MAPKBP1: variants seen among roughly 807,000 people sequenced by gnomAD.
MAPKBP1 encodes mitogen-activated protein kinase binding protein 1.
A neutral mutation model predicts 170.5 loss-of-function variants in MAPKBP1; 71 were observed. The observed-to-expected ratio is 0.42, with a 90% CI of 0.34 to 0.51. The LOEUF (loss-of-function observed/expected upper bound fraction) is 0.51, where lower values mean the gene tolerates loss of function less well. Ranked by LOEUF, MAPKBP1 falls within the 20% of genes least tolerant of loss-of-function variation. The pLI, the probability that MAPKBP1 is intolerant of heterozygous loss-of-function variation, is 0.06. For synonymous variants in MAPKBP1, 719 were observed against 757.9 expected (o/e 0.95, Z 0.84); for missense variants, 1,598 against 1,933.0 (o/e 0.83, Z 3.25).
intron 3 of MAPKBP1, among the ~76,000 whole-genome samples, chr15:41,808,589 C>T (rs937293726): frequency 5.3e-5 from 8 of 151,526 alleles, no homozygotes; most frequent in African/African-American, 1.7e-4. Context: ...AATTCTCCTG[C>T]CTCAGCCTCC....
At position 41,812,517 on chromosome 15, in the gene MAPKBP1, A is replaced by G. The variant is rs755553230; in HGVS notation, c.500A>G (p.Lys167Arg). ...TTCTTCCTTTGGCATCCCCTCCAGA[A>G]AAACATTGTGGTGGCCTCCAACAAG... ...DMIVNVWAWKKNIVVASNKVS... is the reference protein window; with the variant it reads ...DMIVNVWAWKRNIVVASNKVS... Residue 167 changes from lysine to arginine, a missense_variant and splice_region_variant, in exon 7 of 31, where the codon AAA (lysine) becomes AGA (arginine). This residue lies in a region of MAPKBP1 where 11 missense variants were observed against 39.6 expected (regional missense o/e 0.28). Coordinates refer to ENST00000457542, the MANE Select transcript of MAPKBP1 (RefSeq NM_014994.3). 1.9e-6 allele frequency: 3 copies of G among 1,614,254 alleles called. No individual in the cohort carries two copies. Among genetic ancestry groups the G allele is most frequent in the Non-Finnish European group, 2.5e-6 (3 of 1,180,050 alleles).
At chr15:41,810,858 GC>G (rs897220847) in intron 3 of MAPKBP1, 24 bp from the exon 4 acceptor site, 3 of 1,612,890 alleles carry the variant, frequency 1.9e-6, no homozygotes, top group Non-Finnish European at 2.5e-6. Flanking sequence ...TTGCTGCTGA[GC>G]CTGTTGTCTG....
At position 41,815,795 on chromosome 15, in the gene MAPKBP1, C is replaced by A. The variant is rs915207918; in HGVS notation, c.1489C>A (p.Leu497Ile). The A allele has an allele frequency of 6.8e-6, 11 of 1,612,266 alleles. No individual in the cohort carries two copies. The highest frequency in any genetic ancestry group is 9.3e-6 in the Non-Finnish European group (11 of 1,178,574). Reference sequence around the variant, plus strand: ...AGCATCAGGGGACCGTATGGGCACACTTAGGTAATGCCAGGCCCTGGGTGG... The same window carrying A: ...AGCATCAGGGGACCGTATGGGCACAATTAGGTAATGCCAGGCCCTGGGTGG... ...HLASGDRMGT[L>I]RVHELQSLSE... Residue 497 changes from leucine (L) to isoleucine (I), a missense_variant, in exon 12 of 31, where the codon CTT (leucine) becomes ATT (isoleucine). Coordinates refer to ENST00000457542, the MANE Select transcript of MAPKBP1 (RefSeq NM_014994.3).
At chr15:41,808,461 C>T (rs2064743698) in intron 3 of MAPKBP1, among the ~76,000 whole-genome samples, 1 of 150,842 alleles carries the variant, frequency 6.6e-6, no homozygotes, top group South Asian at 2.1e-4. Flanking sequence ...TTTCCAGAGC[C>T]ATCTTGCTTT....
At chr15:41,794,935 CG>C (rs2064461137) in intron 2 of MAPKBP1, among the ~76,000 whole-genome samples, 1 of 151,982 alleles carries the variant, frequency 6.6e-6, no homozygotes, top group African/African-American at 2.4e-5. Flanking sequence ...GAGGCCGAGG[CG>C]GGCAGATCAC....
In MAPKBP1 at chr15:41,786,777, A is replaced by AAAAAAAATATATATATAT; in HGVS notation, c.114+11389_114+11390insAAAAAATATATATATATA. 3.1e-4 allele frequency among the ~76,000 whole-genome samples: 10 copies of AAAAAAAATATATATATAT among 32,436 alleles called. 1 individual carries two copies. The highest frequency in any genetic ancestry group is 7.8e-4 in the East Asian group (1 of 1,276). 21.3% of individuals were successfully genotyped at this position (32,436 alleles called of 152,430 possible). A position where few individuals can be genotyped will look rare whatever the true frequency, so the allele number is the denominator to read the frequency against. ...CAGACTCCGTCTAAAAAAAAAAAAA[A>AAAAAAAATATATATATAT]ATATATATATATATATATATATATA... On this transcript the variant is annotated intron_variant, in intron 2 of 30. Transcript: ENST00000457542.
Position 41,812,981 on chromosome 15 carries a change from A to G in MAPKBP1, c.699A>G (p.Leu233=), listed in dbSNP as rs767956809. ...SGLLGELRNN[L]FTDVACGRGK... The stretch of plus-strand genomic sequence containing the variant: ...TGCTGGGAGAGCTACGGAACAACCT[A>G]TTCACTGATGTGGCCTGTGGCAGAG... The change falls in exon 8 of 31, where the codon CTA becomes CTG. Residue 233 remains leucine, a synonymous_variant. Transcript: ENST00000457542. The G allele has an allele frequency of 6.2e-7, 1 of 1,613,904 alleles. No individual in the cohort carries two copies. The highest frequency in any genetic ancestry group is 1.1e-5 in the South Asian group (1 of 91,048).
intron 3 of MAPKBP1, among the ~76,000 whole-genome samples, chr15:41,809,040 G>T (rs1186462826): frequency 7.0e-6 from 1 of 143,228 alleles, no homozygotes; most frequent in Non-Finnish European, 1.5e-5. Context: ...TGCCACTGCA[G>T]TCCAGCCTGG....
At chr15:41,801,098 G>A (rs1346343492) in intron 3 of MAPKBP1, among the ~76,000 whole-genome samples, 1 of 152,212 alleles carries the variant, frequency 6.6e-6, no homozygotes. Context: ...CCTTTTTGTG[G>A]CTGAATAATA....
intron 5 of MAPKBP1, chr15:41,811,500 T>C: frequency 2.9e-6 from 2 of 681,408 alleles, no homozygotes; most frequent in Admixed American, 2.0e-5. Flanking sequence ...TGTGCATTTG[T>C]AACAAGTTCC....
intron 2 of MAPKBP1, among the ~76,000 whole-genome samples, chr15:41,781,628 G>C (rs1475069382): frequency 2.0e-5 from 3 of 152,102 alleles, no homozygotes; most frequent in East Asian, 3.9e-4. Context: ...GGGCAACAGA[G>C]TGAGACCCCA....
At chr15:41,795,516 T>A (rs897435083) in intron 2 of MAPKBP1, among the ~76,000 whole-genome samples, 5 of 152,156 alleles carry the variant, frequency 3.3e-5, no homozygotes, top group African/African-American at 1.2e-4. Context: ...TATTTGGATT[T>A]GAACTTGAGG....
intron 8 of MAPKBP1, 28 bp downstream of exon 8, chr15:41,813,129 G>A (rs2064832073): frequency 1.1e-5 from 17 of 1,577,024 alleles, no homozygotes; most frequent in Non-Finnish European, 1.4e-5. Context: ...CAGGGGTAGG[G>A]TCTGCTCATG....
chr15:41,806,465 G>A (rs2064696204), intron 3 of MAPKBP1, among the ~76,000 whole-genome samples: 1 of 152,210 alleles, frequency 6.6e-6, no homozygotes, highest in Admixed American at 6.5e-5. Context: ...CTGGGGGATG[G>A]AGAGTGGTAG....
Position 41,827,445 on chromosome 15 carries a change from C to T in MAPKBP1, c.*2009C>T. On this transcript the variant is annotated 3_prime_UTR_variant, in exon 31 of 31. Transcript: ENST00000457542. ...CCTGGAACTCCCGCGGCGGCGGGGG[C>T]GGGCCCGTGCCTGCTGTGCCCCGAC... is the stretch of plus-strand genomic sequence containing the variant. 1 of 152,608 alleles carries T rather than the reference C, an allele frequency of 6.6e-6. No homozygotes were observed. Among genetic ancestry groups the T allele is most frequent in the Non-Finnish European group, 1.5e-5 (1 of 68,234 alleles). The allele number at this position is 152,608 out of a possible 1,614,324, so 9.5% of individuals were successfully genotyped here. A position where few individuals can be genotyped will look rare whatever the true frequency, so the allele number is the denominator to read the frequency against.
intron 22 of MAPKBP1, among the ~76,000 whole-genome samples, chr15:41,820,529 A>T (rs1453459850): frequency 6.6e-6 from 1 of 152,108 alleles, no homozygotes; most frequent in Non-Finnish European, 1.5e-5. Context: ...GTGAAGGCTG[A>T]GACTAGGGGT....
At position 41,814,476 on chromosome 15, in the gene MAPKBP1, C is replaced by T. The variant is rs945161505; in HGVS notation, c.981-74C>T. The T allele has an allele frequency of 1.2e-5, 18 of 1,459,168 alleles. No homozygotes were observed. In the African/African-American group the frequency reaches 2.1e-4, roughly 17 times the overall value. The allele number at this position is 1,459,168 out of a possible 1,614,324, so 90.4% of individuals were successfully genotyped here. On this transcript the variant is annotated intron_variant, in intron 9 of 30. Transcript: ENST00000457542. ...TCCAGGGAGGGCTCCTCACACACTG[C>T]TCCTTCCATTGTGGATTGGCTTCTC... is the stretch of plus-strand genomic sequence containing the variant.
rs1374221189 is a variant in MAPKBP1, at chr15:41,827,361, G to C, written c.*1925G>C. Reference sequence around the variant, plus strand: ...AGCTCCGGGGCATCAGCCTGAGTGCGCTTGAGCTGCTCCAAACCTGGCCCT... The same window carrying C: ...AGCTCCGGGGCATCAGCCTGAGTGCCCTTGAGCTGCTCCAAACCTGGCCCT... On this transcript the variant is annotated 3_prime_UTR_variant, in exon 31 of 31. Transcript: ENST00000457542. 2 of 151,656 alleles carry C rather than the reference G, an allele frequency of 1.3e-5. No individual in the cohort carries two copies. The highest frequency in any genetic ancestry group is 4.8e-5 in the African/African-American group (2 of 41,324). The allele number at this position is 151,656 out of a possible 1,614,324, so 9.4% of individuals were successfully genotyped here.
At chr15:41,822,777 G>C (rs907315930) in intron 27 of MAPKBP1, 100 bp downstream of exon 27, 12 of 1,499,892 alleles carry the variant, frequency 8.0e-6, no homozygotes, top group African/African-American at 6.9e-5. Flanking sequence ...CATGCGCGGG[G>C]TGTTTTGCAC....
Sources: allele counts gnomAD v4.1 joint callset (sites outside exome capture counted in the v4.1 genomes callset), GRCh38; gene constraint gnomAD v4.1.1; regional missense constraint gnomAD v4.1.1; transcripts MANE v1.5; gene names NCBI Gene and HGNC (gene_info 2026-07-23, HGNC 2026-07-21).